Variants in RAD23B observed in about 807,000 individuals in gnomAD.
RAD23B encodes lysine-specific demethylase RAD23B.
In RAD23B, 5 loss-of-function variants were observed where a neutral mutation model predicts 49.1. The ratio of observed to expected loss-of-function variants is 0.10; its 90% CI spans 0.05 to 0.21. The LOEUF (loss-of-function observed/expected upper bound fraction) is 0.21. Among genes scored for constraint, RAD23B ranks in the 10% least tolerant of loss-of-function variants. RAD23B has a pLI of 1.00. For missense variants in RAD23B, 356 were observed against 486.7 expected, an observed-to-expected ratio of 0.73 and a Z score of 2.53; for synonymous variants, 184 against 165.4, an observed-to-expected ratio of 1.11 and a Z score of -0.86.
intron 1 of RAD23B, among the ~76,000 whole-genome samples, chr9:107,285,700 C>T (rs73515712): frequency 6.6e-6 from 1 of 152,312 alleles, no homozygotes; most frequent in African/African-American, 2.4e-5. Flanking sequence ...GGAGCGGTTT[C>T]TACAGCTTTC....
In RAD23B at chr9:107,317,731, G is replaced by A. The variant is rs1239978595; in HGVS notation, c.554-1021G>A. ...GTCCCCAGAACACAAGCAGAAGAAAGGATAGTTTTAAGTGAGGTAAGTTTA... is the reference window on the plus strand; with the variant it reads ...GTCCCCAGAACACAAGCAGAAGAAAAGATAGTTTTAAGTGAGGTAAGTTTA... On this transcript the variant is annotated intron_variant, in intron 5 of 9. Transcript: ENST00000358015. 2.0e-5 allele frequency among the ~76,000 whole-genome samples: 3 copies of A among 151,748 alleles called. No homozygotes were observed. In the South Asian group the frequency reaches 6.2e-4, roughly 31 times the overall value.
rs1455789553 is a variant in RAD23B, at chr9:107,331,079, T to TC, written c.*1423_*1424insC. On this transcript the variant is annotated 3_prime_UTR_variant, in exon 10 of 10. Transcript: ENST00000358015. ...TTGCTTTTGTTTTTTGTTTCCTTTTTTTTAACCATCTGATACTAAGAAGAT... is the reference window on the plus strand; with the variant it reads ...TTGCTTTTGTTTTTTGTTTCCTTTTTCTTTAACCATCTGATACTAAGAAGAT... 2.6e-5 allele frequency: 4 copies of TC among 152,270 alleles called. No individual in the cohort carries two copies. The highest frequency in any genetic ancestry group is 1.3e-4 in the Admixed American group (2 of 15,250). The allele number at this position is 152,270 out of a possible 1,614,324, so 9.4% of individuals were successfully genotyped here.
Position 107,331,786 on chromosome 9 carries a change from A to G in RAD23B, c.*2130A>G, listed in dbSNP as rs1249155173. Reference sequence around the variant, plus strand: ...AAATCTGGATATACTAGGATTAATTATCAGAAGACAGCTCAGGCCAAGTTT... The same window carrying G: ...AAATCTGGATATACTAGGATTAATTGTCAGAAGACAGCTCAGGCCAAGTTT... On this transcript the variant is annotated 3_prime_UTR_variant, in exon 10 of 10. Coordinates refer to ENST00000358015, the MANE Select transcript of RAD23B (RefSeq NM_002874.5). 1 of 767,608 alleles carries G rather than the reference A, an allele frequency of 1.3e-6. No individual in the cohort carries two copies. Among genetic ancestry groups the G allele is most frequent in the Admixed American group, 1.8e-5 (1 of 56,308 alleles). 47.5% of individuals were successfully genotyped at this position (767,608 alleles called of 1,614,324 possible).
chr9:107,319,373 G>A (rs1040652045), intron 6 of RAD23B, among the ~76,000 whole-genome samples: 4 of 151,716 alleles, frequency 2.6e-5, no homozygotes, highest in Non-Finnish European at 4.4e-5. Context: ...CTCGTGATCC[G>A]CCCGCCTCAG....
chr9:107,310,624 G>A (rs1170456952), intron 4 of RAD23B, among the ~76,000 whole-genome samples: 1 of 152,144 alleles, frequency 6.6e-6, no homozygotes, highest in Non-Finnish European at 1.5e-5. Flanking sequence ...TTTATGTATT[G>A]TGCGTTTTGA....
At chr9:107,289,357 G>T (rs1564239247) in intron 1 of RAD23B, among the ~76,000 whole-genome samples, 1 of 151,146 alleles carries the variant, frequency 6.6e-6, no homozygotes, top group African/African-American at 2.4e-5. Flanking sequence ...GCTAATTTTA[G>T]TTTTTTTTTG....
At chr9:107,311,030 A>T (rs138171783) in intron 4 of RAD23B, among the ~76,000 whole-genome samples, 2 of 152,206 alleles carry the variant, frequency 1.3e-5, no homozygotes, top group Non-Finnish European at 1.5e-5. Flanking sequence ...ACTTAAGTTT[A>T]TATTTCTTTG....
At chr9:107,309,020 G>C (rs1826837096) in intron 4 of RAD23B, among the ~76,000 whole-genome samples, 1 of 152,200 alleles carries the variant, frequency 6.6e-6, no homozygotes, top group African/African-American at 2.4e-5. Flanking sequence ...ATATCTACCT[G>C]AGAGAAACTG....
intron 3 of RAD23B, 94 bp downstream of exon 3, chr9:107,302,208 A>T (rs536492949): frequency 1.9e-6 from 3 of 1,549,702 alleles, no homozygotes; most frequent in African/African-American, 2.8e-5. Flanking sequence ...GTTTATACAC[A>T]TCCATAGTGG....
Position 107,324,925 on chromosome 9 carries a change from G to T in RAD23B, c.1037G>T (p.Ser346Ile). 1 of 1,613,842 alleles carries T rather than the reference G, an allele frequency of 6.2e-7. No individual in the cohort carries two copies. Among genetic ancestry groups the T allele is most frequent in the Non-Finnish European group, 8.5e-7 (1 of 1,179,944 alleles). ...CAAGGAGGAGGAGGTGGAGGTGGCA[G>T]TGGAGGAATTGCAGAAGCTGGAAGT... ...GGQGGGGGGG[S>I]GGIAEAGSGH... The change falls in exon 9 of 10, where the codon AGT (serine) becomes ATT (isoleucine). Residue 346 changes from serine to isoleucine, a missense_variant. This residue lies in a region of RAD23B where 148 missense variants were observed against 231.7 expected (regional missense o/e 0.64). Coordinates refer to ENST00000358015, the MANE Select transcript of RAD23B (RefSeq NM_002874.5).
intron 3 of RAD23B, among the ~76,000 whole-genome samples, chr9:107,303,753 C>G (rs1464180667): frequency 1.3e-5 from 2 of 152,108 alleles, no homozygotes. Context: ...TCCTATTTTC[C>G]TATCTAGTTT....
In RAD23B at chr9:107,330,977, G is replaced by A. The variant is rs1255308898; in HGVS notation, c.*1321G>A. ...GGCATTGTTATTTAATCATAAACGG[G>A]GCAGATGTCTACTTGTTCAGTTTTT... On this transcript the variant is annotated 3_prime_UTR_variant, in exon 10 of 10. Coordinates refer to ENST00000358015, the MANE Select transcript of RAD23B (RefSeq NM_002874.5). This position sits in a 1 kb window ranked among gnomAD's most constrained non-coding sequence, Gnocchi z 4.4. The A allele has an allele frequency of 2.0e-5, 3 of 152,492 alleles. No individual in the cohort carries two copies. Among genetic ancestry groups the A allele is most frequent in the Non-Finnish European group, 4.4e-5 (3 of 68,028 alleles). 9.4% of individuals were successfully genotyped at this position (152,492 alleles called of 1,614,324 possible).
chr9:107,301,741 A>T (rs1001631882), intron 2 of RAD23B, among the ~76,000 whole-genome samples: 1 of 151,658 alleles, frequency 6.6e-6, no homozygotes, highest in Non-Finnish European at 1.5e-5. Flanking sequence ...GGGTCTTGCT[A>T]TGTTGGCCAT....
chr9:107,294,260 GAATT>G (rs1202768013), intron 1 of RAD23B, among the ~76,000 whole-genome samples: 2 of 152,166 alleles, frequency 1.3e-5, no homozygotes, highest in African/African-American at 4.8e-5. Context: ...TTTTAAGAGA[GAATT>G]AAGTAGCTAG....
chr9:107,324,498 G>T (rs1282222129), intron 8 of RAD23B, among the ~76,000 whole-genome samples: 1 of 152,124 alleles, frequency 6.6e-6, no homozygotes, highest in African/African-American at 2.4e-5. Flanking sequence ...AGTGTGGAAG[G>T]TAAAAAATAC....
Position 107,331,429 on chromosome 9 carries a change from GGAAGT to G in RAD23B, c.*1778_*1782del, listed in dbSNP as rs1827303972. The stretch of plus-strand genomic sequence containing the variant: ...GAGGCATGAGAATTGCTTGAACCCG[GGAAGT>G]GAAGGTTGCCGTGAGCTGAGATCAC... On this transcript the variant is annotated 3_prime_UTR_variant, in exon 10 of 10. Coordinates refer to ENST00000358015, the MANE Select transcript of RAD23B (RefSeq NM_002874.5). The G allele has an allele frequency of 2.5e-6, 1 of 395,722 alleles. No homozygotes were observed. The highest frequency in any genetic ancestry group is 4.2e-5 in the Admixed American group (1 of 23,878). 24.5% of individuals were successfully genotyped at this position (395,722 alleles called of 1,614,324 possible).
intron 1 of RAD23B, among the ~76,000 whole-genome samples, chr9:107,290,789 A>G (rs1184324116): frequency 6.6e-6 from 1 of 152,192 alleles, no homozygotes; most frequent in East Asian, 1.9e-4. Flanking sequence ...AAAGGTTTGT[A>G]TGAATGAGAT....
Position 107,283,380 on chromosome 9 carries a change from C to A in RAD23B, c.-250C>A. The stretch of plus-strand genomic sequence containing the variant: ...TTCTGCAGACTCCGTGGCTGGCGCT[C>A]GGCGCGTGAGGAAGCACGGCGGCCC... On this transcript the variant is annotated 5_prime_UTR_variant, in exon 1 of 10. Transcript: ENST00000358015. 1 of 427,892 alleles carries A rather than the reference C, an allele frequency of 2.3e-6. No individual in the cohort carries two copies. The highest frequency in any genetic ancestry group is 4.1e-6 in the Non-Finnish European group (1 of 246,046). The allele number at this position is 427,892 out of a possible 1,614,324, so 26.5% of individuals were successfully genotyped here.
Position 107,322,116 on chromosome 9 carries a change from G to C in RAD23B, c.815G>C (p.Gly272Ala). Residue 272 changes from glycine (G) to alanine (A), a missense_variant and splice_region_variant, in exon 7 of 10, where the codon GGA becomes GCA. This residue lies in a region of RAD23B where 148 missense variants were observed against 231.7 expected (regional missense o/e 0.64). Coordinates refer to ENST00000358015, the MANE Select transcript of RAD23B (RefSeq NM_002874.5). ...TTATTTTTSS[G>A]GHPLEFLRNQ... The stretch of plus-strand genomic sequence containing the variant: ...GCAACAACTACAACAACAAGTTCTG[G>C]AGGTAAAGCGGAATCTTCTGGATGG... 1.3e-6 allele frequency: 2 copies of C among 1,597,990 alleles called. No individual in the cohort carries two copies. The highest frequency in any genetic ancestry group is 1.7e-6 in the Non-Finnish European group (2 of 1,172,352).
Sources: allele counts gnomAD v4.1 joint callset (sites outside exome capture counted in the v4.1 genomes callset), GRCh38; gene constraint gnomAD v4.1.1; regional missense constraint gnomAD v4.1.1; non-coding constraint Gnocchi (gnomAD v3.1); transcripts MANE v1.5; gene names NCBI Gene and HGNC (gene_info 2026-07-23, HGNC 2026-07-21).